UNC5C: variants seen among roughly 807,000 people sequenced by gnomAD.
UNC5C encodes the protein unc-5 netrin receptor C.
A neutral mutation model predicts 99.8 loss-of-function variants in UNC5C; 47 were observed. The ratio of observed to expected loss-of-function variants is 0.47; its 90% CI spans 0.37 to 0.60. The LOEUF (loss-of-function observed/expected upper bound fraction) is 0.60, where lower values mean the gene tolerates loss of function less well. UNC5C is among the 20% of genes least tolerant of loss of function. The pLI is 0.00. For missense variants in UNC5C, 1,062 were observed against 1,165.9 expected, an observed-to-expected ratio of 0.91 and a Z score of 1.30; for synonymous variants, 487 against 452.2, an observed-to-expected ratio of 1.08 and a Z score of -0.98.
At chr4:95,325,354 A>T (rs1742847134) in intron 2 of UNC5C, among the ~76,000 whole-genome samples, 1 of 151,390 alleles carries the variant, frequency 6.6e-6, no homozygotes, top group Admixed American at 6.5e-5. Flanking sequence ...AATAAAGAAG[A>T]TGTAGGTGGC....
intron 8 of UNC5C, 48 bp from the exon 9 acceptor site, chr4:95,219,361 C>A: frequency 6.4e-7 from 1 of 1,560,034 alleles, no homozygotes; most frequent in South Asian, 1.2e-5. Context: ...CCATTCAGGC[C>A]AACCTACATT....
chr4:95,420,935 C>T (rs1746301234), intron 1 of UNC5C, among the ~76,000 whole-genome samples: 1 of 152,122 alleles, frequency 6.6e-6, no homozygotes, highest in East Asian at 1.9e-4. Context: ...AAAACCAAGG[C>T]CTTCCTGGCA....
At chr4:95,390,022 T>G (rs2149444744) in intron 1 of UNC5C, among the ~76,000 whole-genome samples, 1 of 152,218 alleles carries the variant, frequency 6.6e-6, no homozygotes, top group South Asian at 2.1e-4. Flanking sequence ...GTCTTGAAAA[T>G]AGTGTAATAG....
chr4:95,188,518 T>A (rs983927056), intron 12 of UNC5C, among the ~76,000 whole-genome samples: 8 of 152,242 alleles, frequency 5.3e-5, no homozygotes, highest in Admixed American at 3.3e-4. Context: ...CCCGAAAGGC[T>A]AATCAGGCTT....
intron 14 of UNC5C, 74 bp from the exon 15 acceptor site, chr4:95,170,406 T>C: frequency 9.3e-6 from 14 of 1,503,548 alleles, no homozygotes; most frequent in Non-Finnish European, 1.3e-5. Context: ...CCAATCAACA[T>C]AATGCCTTGC....
In UNC5C at chr4:95,472,143, T is replaced by G. The variant is rs905098771; in HGVS notation, c.124+76591A>C. Among the ~76,000 whole-genome samples, 9 of 152,214 alleles carry G rather than the reference T, an allele frequency of 5.9e-5. No homozygotes were observed. The South Asian group carries it at 8.3e-4, about 14-fold the overall frequency. Reference sequence around the variant, plus strand: ...GATATTAAAGAGACAAACTAGAAAATATTTCATAACTTCCATTTGATGGCT... The same window carrying G: ...GATATTAAAGAGACAAACTAGAAAAGATTTCATAACTTCCATTTGATGGCT... On this transcript the variant is annotated intron_variant, in intron 1 of 15. Transcript: ENST00000453304.
In UNC5C at chr4:95,400,331, A is replaced by T. The variant is rs970348390; in HGVS notation, c.125-64700T>A. 2.0e-5 allele frequency among the ~76,000 whole-genome samples: 3 copies of T among 150,520 alleles called. No individual in the cohort carries two copies. The South Asian group carries it at 6.3e-4, about 32-fold the overall frequency. ...TGGGAGCTCAGAGCAGACCTTGATC[A>T]CAGCCAGCGAGAAAATGTGGCCCGT... On this transcript the variant is annotated intron_variant, in intron 1 of 15. Transcript: ENST00000453304.
intron 12 of UNC5C, among the ~76,000 whole-genome samples, chr4:95,186,301 C>A (rs1391313269): frequency 6.6e-6 from 1 of 152,128 alleles, no homozygotes; most frequent in Non-Finnish European, 1.5e-5. Flanking sequence ...GCAGGGAATT[C>A]AAGAACACAG....
intron 1 of UNC5C, among the ~76,000 whole-genome samples, chr4:95,495,917 A>T (rs1165442341): frequency 6.6e-6 from 1 of 151,850 alleles, no homozygotes; most frequent in Non-Finnish European, 1.5e-5. Context: ...TATTCAATTC[A>T]TATGGAGAAA....
intron 7 of UNC5C, among the ~76,000 whole-genome samples, chr4:95,239,245 C>T (rs1739239485): frequency 6.6e-6 from 1 of 152,328 alleles, no homozygotes; most frequent in South Asian, 2.1e-4. Context: ...TCGTGTTTTG[C>T]TTCTAGCACT....
intron 4 of UNC5C, among the ~76,000 whole-genome samples, chr4:95,266,004 T>G (rs757347279): frequency 4.6e-5 from 7 of 152,222 alleles, no homozygotes; most frequent in Non-Finnish European, 8.8e-5. Context: ...CCTACCTAAA[T>G]GTATTTTAAA....
At chr4:95,170,459 G>T (rs1472890792) in intron 14 of UNC5C, 127 bp from the exon 15 acceptor site, 1 of 1,155,650 alleles carries the variant, frequency 8.7e-7, no homozygotes, top group Non-Finnish European at 1.2e-6. Flanking sequence ...TTCTTCTTAG[G>T]AAGAATGGCT....
chr4:95,483,803 T>C (rs111611929), intron 1 of UNC5C, among the ~76,000 whole-genome samples: 3,056 of 151,810 alleles, frequency 0.02, 102 homozygotes, highest in African/African-American at 0.07. Flanking sequence ...CGACTAATTT[T>C]TGTGATGGCC....
In UNC5C at chr4:95,245,069, G is replaced by C. The variant is rs748492018; in HGVS notation, c.851C>G (p.Thr284Arg). Residue 284 changes from threonine (T) to arginine (R), a missense_variant, in exon 6 of 16, where the codon ACA (threonine) becomes AGA (arginine). Physicochemically the swap from Thr to Arg is moderately conservative, Grantham distance 71. Transcript: ENST00000453304. The part of the protein sequence containing the change: ...SRCGRGYQKR[T>R]RTCTNPAPLN... ...TGGTGCCGGGTTGGTACAAGTCCTT[G>C]TACGTTTCTGATACCCTCGTCCACA... The C allele has an allele frequency of 3.1e-6, 5 of 1,614,128 alleles. No individual in the cohort carries two copies. Among genetic ancestry groups the C allele is most frequent in the Non-Finnish European group, 4.2e-6 (5 of 1,180,016 alleles).
rs187541947 is a variant in UNC5C, at chr4:95,344,628, C to T, written c.125-8997G>A. Among the ~76,000 whole-genome samples, 5 of 152,070 alleles carry T rather than the reference C, an allele frequency of 3.3e-5. No homozygotes were observed. In the East Asian group the frequency reaches 9.7e-4, roughly 29 times the overall value. On this transcript the variant is annotated intron_variant, in intron 1 of 15. Coordinates refer to ENST00000453304, the MANE Select transcript of UNC5C (RefSeq NM_003728.4). ...AAGGTGAACTGATCAAAAATAATAA[C>T]AATAACTTTTCAAGACATAGACAGT...
chr4:95,203,402 G>A (rs1278523939), intron 11 of UNC5C, among the ~76,000 whole-genome samples: 3 of 152,052 alleles, frequency 2.0e-5, no homozygotes, highest in East Asian at 1.9e-4. Context: ...TCCATGACAC[G>A]TAAGATACAT....
rs550269236 is a variant in UNC5C, at chr4:95,335,885, G to C, written c.125-254C>G. Reference sequence around the variant, plus strand: ...GCCCTGAGCACATAGGTAGTAAATAGCAGAGCTGAAACTGGAATTCATGTG... The same window carrying C: ...GCCCTGAGCACATAGGTAGTAAATACCAGAGCTGAAACTGGAATTCATGTG... On this transcript the variant is annotated intron_variant, in intron 1 of 15. Coordinates refer to ENST00000453304, the MANE Select transcript of UNC5C (RefSeq NM_003728.4). Among the ~76,000 whole-genome samples the C allele has an allele frequency of 5.3e-5, 8 of 151,828 alleles. No individual in the cohort carries two copies. In the East Asian group the frequency reaches 9.6e-4, roughly 18 times the overall value.
chr4:95,452,194 T>C (rs999400324), intron 1 of UNC5C, among the ~76,000 whole-genome samples: 3 of 152,142 alleles, frequency 2.0e-5, no homozygotes, highest in Non-Finnish European at 4.4e-5. Flanking sequence ...TAACAAGAAA[T>C]GAATATGGTG....
chr4:95,546,539 T>C (rs1005154226), intron 1 of UNC5C, among the ~76,000 whole-genome samples: 1 of 152,114 alleles, frequency 6.6e-6, no homozygotes, highest in African/African-American at 2.4e-5. Flanking sequence ...GACCATGAGA[T>C]TCAAACAAAA....
Sources: allele counts gnomAD v4.1 joint callset (sites outside exome capture counted in the v4.1 genomes callset), GRCh38; gene constraint gnomAD v4.1.1; transcripts MANE v1.5; gene names NCBI Gene and HGNC (gene_info 2026-07-23, HGNC 2026-07-21).